LAMA3: variants seen among roughly 807,000 people sequenced by gnomAD.
LAMA3 encodes laminin subunit alpha-3.
LAMA3 carries 281 observed loss-of-function variants against 402.0 expected under a neutral mutation model. The observed-to-expected ratio is 0.70, with a 90% CI of 0.63 to 0.77. The LOEUF (loss-of-function observed/expected upper bound fraction) is 0.77. Among genes scored for constraint, LAMA3 ranks in the 30% least tolerant of loss-of-function variants. LAMA3 has a pLI of 0.00. For missense variants in LAMA3, 3,840 were observed against 4,215.5 expected (o/e 0.91, Z 2.47); for synonymous variants, 1,431 against 1,558.4 (o/e 0.92, Z 1.93).
intron 2 of LAMA3, among the ~76,000 whole-genome samples, chr18:23,716,402 G>A (rs968776552): frequency 6.6e-6 from 1 of 151,928 alleles, no homozygotes; most frequent in Non-Finnish European, 1.5e-5. Context: ...CAGGCAATCC[G>A]CCCACCTAGG....
chr18:23,839,551 T>G lies in LAMA3; in HGVS notation c.3192-234T>G, dbSNP rs552826846. ...CCATAAGTTTCTATCTAACTTACTT[T>G]ACTTCAAAATTAAGATTCTCTCTGT... On this transcript the variant is annotated intron_variant, in intron 26 of 74. Transcript: ENST00000313654. The surrounding 1 kb of genome is among the most constrained non-coding windows in gnomAD (Gnocchi z 4.5). 3.3e-5 allele frequency among the ~76,000 whole-genome samples: 5 copies of G among 152,366 alleles called. No individual in the cohort carries two copies. The highest frequency in any genetic ancestry group is 1.3e-4 in the Admixed American group (2 of 15,304).
At chr18:23,865,763 A>G (rs1403144534) in intron 36 of LAMA3, among the ~76,000 whole-genome samples, 1 of 152,140 alleles carries the variant, frequency 6.6e-6, no homozygotes, top group Admixed American at 6.5e-5. Flanking sequence ...GTGCCCTTCC[A>G]GGGGCAGGGA....
In LAMA3 at chr18:23,898,935, C is replaced by A; in HGVS notation, c.5725-19C>A. 6.2e-7 allele frequency: 1 copy of A among 1,600,294 alleles called. No individual in the cohort carries two copies. Among genetic ancestry groups the A allele is most frequent in the Non-Finnish European group, 8.6e-7 (1 of 1,167,590 alleles). On this transcript the variant is annotated intron_variant, in intron 45 of 74. Coordinates refer to ENST00000313654, the MANE Select transcript of LAMA3 (RefSeq NM_198129.4). The stretch of plus-strand genomic sequence containing the variant: ...CTTATTGACTTAATTTGCTGCTAAT[C>A]AATTTATTTTTCATATAGGCTCAAG...
intron 1 of LAMA3, among the ~76,000 whole-genome samples, chr18:23,707,154 T>C (rs563153535): frequency 8.5e-5 from 13 of 152,368 alleles, no homozygotes; most frequent in African/African-American, 2.6e-4. Context: ...TTGATTCTTC[T>C]GCTCCATGGG....
Position 23,889,953 on chromosome 18 carries a change from G to C in LAMA3, c.5304-58G>C, listed in dbSNP as rs2080596200. On this transcript the variant is annotated intron_variant, in intron 41 of 74. Transcript: ENST00000313654. Reference sequence around the variant, plus strand: ...CAGAGAGCTAGAGATTGAGAAAATTGGTTGAGATAAACGATGAGTTATTTG... The same window carrying C: ...CAGAGAGCTAGAGATTGAGAAAATTCGTTGAGATAAACGATGAGTTATTTG... The C allele has an allele frequency of 3.9e-6, 5 of 1,273,832 alleles. No homozygotes were observed. In the East Asian group the frequency reaches 1.2e-4, roughly 29 times the overall value. 78.9% of individuals were successfully genotyped at this position (1,273,832 alleles called of 1,614,324 possible).
intron 25 of LAMA3, among the ~76,000 whole-genome samples, chr18:23,837,583 A>ATATATATATATATATATATATATG (rs2063612291): frequency 7.0e-6 from 1 of 142,564 alleles, no homozygotes; most frequent in Non-Finnish European, 1.5e-5. Context: ...ATATATATAT[A>ATATATATATATATATATATATATG]TATATATATA....
intron 70 of LAMA3, among the ~76,000 whole-genome samples, chr18:23,947,751 T>G (rs1019785386): frequency 6.6e-6 from 1 of 151,916 alleles, no homozygotes; most frequent in East Asian, 1.9e-4. Context: ...CACCACACAT[T>G]AATTGCTAAG....
intron 34 of LAMA3, among the ~76,000 whole-genome samples, chr18:23,860,578 A>G (rs1269074005): frequency 6.6e-6 from 1 of 151,604 alleles, no homozygotes; most frequent in East Asian, 1.9e-4. Context: ...CATTTTTAAA[A>G]TTAACTTCAT....
In LAMA3 at chr18:23,822,394, A is replaced by T; in HGVS notation, c.2428+19A>T. On this transcript the variant is annotated intron_variant, in intron 20 of 74. Coordinates refer to ENST00000313654, the MANE Select transcript of LAMA3 (RefSeq NM_198129.4). ...TCCTGGGGTAAGGCACGTAGGTAAAATGTCAAGCCTCTTTTCAATTAAGAA... is the reference window on the plus strand; with the variant it reads ...TCCTGGGGTAAGGCACGTAGGTAAATTGTCAAGCCTCTTTTCAATTAAGAA... 1 of 1,610,130 alleles carries T rather than the reference A, an allele frequency of 6.2e-7. No homozygotes were observed. The highest frequency in any genetic ancestry group is 2.2e-5 in the East Asian group (1 of 44,866).
At chr18:23,781,104 T>C (rs1274485955) in intron 11 of LAMA3, among the ~76,000 whole-genome samples, 1 of 152,226 alleles carries the variant, frequency 6.6e-6, no homozygotes, top group Non-Finnish European at 1.5e-5. Flanking sequence ...GTTCTTTCTT[T>C]TTCTATTTTA....
chr18:23,782,995 C>G (rs2062467110), intron 11 of LAMA3, among the ~76,000 whole-genome samples: 1 of 152,180 alleles, frequency 6.6e-6, no homozygotes, highest in Admixed American at 6.5e-5. Flanking sequence ...CACCCCAAAA[C>G]TTAGTAGCTT....
At chr18:23,838,914 C>T in intron 26 of LAMA3, 36 bp downstream of exon 26, 1 of 1,186,140 alleles carries the variant, frequency 8.4e-7, no homozygotes, top group Non-Finnish European at 1.3e-6. Context: ...CGTTCATGTT[C>T]TGAGTGATAC....
intron 36 of LAMA3, among the ~76,000 whole-genome samples, chr18:23,865,868 C>A (rs1207809613): frequency 6.6e-6 from 1 of 152,144 alleles, no homozygotes; most frequent in African/African-American, 2.4e-5. Context: ...TGTGCAGAGT[C>A]ATTGAAAACA....
chr18:23,849,010 C>T (rs1328483021), intron 32 of LAMA3, among the ~76,000 whole-genome samples: 2 of 152,172 alleles, frequency 1.3e-5, no homozygotes, highest in East Asian at 1.9e-4. Context: ...TCTGTCTCTT[C>T]TCATTTTCTT....
intron 42 of LAMA3, among the ~76,000 whole-genome samples, chr18:23,893,274 C>G (rs1054579815): frequency 2.1e-4 from 32 of 152,102 alleles, no homozygotes; most frequent in Non-Finnish European, 8.8e-5. Context: ...GAGGACATGT[C>G]AATGTCAGAA....
intron 8 of LAMA3, among the ~76,000 whole-genome samples, chr18:23,764,871 T>G (rs2062043850): frequency 6.6e-6 from 1 of 152,348 alleles, no homozygotes; most frequent in South Asian, 2.1e-4. Context: ...TAGTGGCTGC[T>G]GCAGGACTGA....
At chr18:23,895,180 G>C in intron 44 of LAMA3, 122 bp downstream of exon 44, 1 of 1,140,152 alleles carries the variant, frequency 8.8e-7, no homozygotes, top group Non-Finnish European at 1.3e-6. Context: ...TCCTTCCTCT[G>C]ATCCAAATGA....
rs372217706 is a variant in LAMA3, at chr18:23,753,717, G to A, written c.856-4G>A. 1 of 1,610,174 alleles carries A rather than the reference G, an allele frequency of 6.2e-7. No homozygotes were observed. Among genetic ancestry groups the A allele is most frequent in the South Asian group, 1.1e-5 (1 of 90,986 alleles). ...ACTTGCATGTTCTGTGTTCTGTTGTGCAGTATTATTACAGCATAAAGGACA... is the reference window on the plus strand; with the variant it reads ...ACTTGCATGTTCTGTGTTCTGTTGTACAGTATTATTACAGCATAAAGGACA... On this transcript the variant is annotated splice_region_variant and splice_polypyrimidine_tract_variant and intron_variant, in intron 5 of 74. Coordinates refer to ENST00000313654, the MANE Select transcript of LAMA3 (RefSeq NM_198129.4).
intron 10 of LAMA3, among the ~76,000 whole-genome samples, chr18:23,777,305 C>A (rs2062343245): frequency 6.6e-6 from 1 of 151,756 alleles, no homozygotes; most frequent in Admixed American, 6.6e-5. Flanking sequence ...CCTGCTCAGG[C>A]TGAGACTTAG....
Sources: allele counts gnomAD v4.1 joint callset (sites outside exome capture counted in the v4.1 genomes callset), GRCh38; gene constraint gnomAD v4.1.1; non-coding constraint Gnocchi (gnomAD v3.1); transcripts MANE v1.5; gene names NCBI Gene and HGNC (gene_info 2026-07-23, HGNC 2026-07-21).